The following IPO11 variants were observed in gnomAD, a reference collection of about 807,000 sequenced individuals.
The protein encoded by IPO11 is importin 11.
A neutral mutation model predicts 143.2 loss-of-function variants in IPO11; 66 were observed. That is an observed-to-expected ratio of 0.46 (90% CI 0.38 to 0.57). The LOEUF (loss-of-function observed/expected upper bound fraction) is 0.57, where lower values mean the gene tolerates loss of function less well. Ranked by LOEUF, IPO11 falls within the 20% of genes least tolerant of loss-of-function variation. The pLI, the probability that IPO11 is intolerant of heterozygous loss-of-function variation, is 0.00. For missense variants in IPO11, 1,026 were observed against 1,141.0 expected, an observed-to-expected ratio of 0.90 and a Z score of 1.45; for synonymous variants, 385 against 377.8, an observed-to-expected ratio of 1.02 and a Z score of -0.22.
rs184490456 is a variant in IPO11, at chr5:62,473,995, A to G, written c.709-421A>G. On this transcript the variant is annotated intron_variant, in intron 7 of 29. Coordinates refer to ENST00000325324, the MANE Select transcript of IPO11 (RefSeq NM_016338.5). Reference sequence around the variant, plus strand: ...AACGATGTTTCAGGATTCTGGATAAAGCAGTAAACAGAGCAAAGTTCTGGC... The same window carrying G: ...AACGATGTTTCAGGATTCTGGATAAGGCAGTAAACAGAGCAAAGTTCTGGC... Among the ~76,000 whole-genome samples the G allele has an allele frequency of 2.0e-3, 303 of 152,280 alleles. 2 individuals are homozygous for G. Among genetic ancestry groups the G allele is most frequent in the African/African-American group, 7.1e-3 (296 of 41,550 alleles).
At chr5:62,420,062 G>C (rs152188) in intron 1 of IPO11, among the ~76,000 whole-genome samples, 1 of 151,848 alleles carries the variant, frequency 6.6e-6, no homozygotes, top group African/African-American at 2.4e-5. Flanking sequence ...AGGCCAAGGC[G>C]GGTGGATCAC....
At chr5:62,610,612 T>C (rs1240266454) in intron 29 of IPO11, among the ~76,000 whole-genome samples, 1 of 152,170 alleles carries the variant, frequency 6.6e-6, no homozygotes, top group African/African-American at 2.4e-5. Context: ...AAATTAACAA[T>C]ATTAAAAGCA....
At chr5:62,423,103 G>A (rs990017343) in intron 1 of IPO11, among the ~76,000 whole-genome samples, 1 of 152,126 alleles carries the variant, frequency 6.6e-6, no homozygotes, top group Non-Finnish European at 1.5e-5. Context: ...TTCAGTATAG[G>A]AAGATACTGA....
intron 11 of IPO11, among the ~76,000 whole-genome samples, chr5:62,484,761 G>A (rs1746335402): frequency 4.6e-5 from 7 of 151,924 alleles, no homozygotes. Context: ...GTGTACCCTT[G>A]TGTAGTTACA....
Position 62,435,210 on chromosome 5 carries a change from G to GTATATATGTATATATATGTATATATA in IPO11, c.-6-2063_-6-2062insATATATGTATATATATGTATATATAT, listed in dbSNP as rs769669064. Among the ~76,000 whole-genome samples the GTATATATGTATATATATGTATATATA allele has an allele frequency of 1.4e-4, 13 of 92,320 alleles. No homozygotes were observed. The East Asian group carries it at 2.4e-3, about 17-fold the overall frequency. 60.6% of individuals were successfully genotyped at this position (92,320 alleles called of 152,430 possible). On this transcript the variant is annotated intron_variant, in intron 1 of 29. Coordinates refer to ENST00000325324, the MANE Select transcript of IPO11 (RefSeq NM_016338.5). ...TATATGTATATATATGTATATATAT[G>GTATATATGTATATATATGTATATATA]TGTATATATATATATATCAGAGCAG...
chr5:62,467,584 T>TA, intron 6 of IPO11, among the ~76,000 whole-genome samples: 1 of 152,324 alleles, frequency 6.6e-6, no homozygotes, highest in East Asian at 1.9e-4. Context: ...CCCCTACACT[T>TA]ATCCTTGTCA....
chr5:62,457,525 A>C (rs922899501), intron 5 of IPO11, among the ~76,000 whole-genome samples: 2 of 152,180 alleles, frequency 1.3e-5, no homozygotes, highest in Admixed American at 6.5e-5. Flanking sequence ...AATTATTTGG[A>C]TGGTAAGGGT....
chr5:62,561,766 T>A (rs1743781070), intron 27 of IPO11: 1 of 152,188 alleles, frequency 6.6e-6, no homozygotes, highest in African/African-American at 2.4e-5. Flanking sequence ...TTTGGTTTGG[T>A]CATTTAAAGA....
intron 1 of IPO11, among the ~76,000 whole-genome samples, chr5:62,424,034 T>C (rs1288757797): frequency 6.6e-6 from 1 of 152,166 alleles, no homozygotes; most frequent in Non-Finnish European, 1.5e-5. Flanking sequence ...TGATTTTTTT[T>C]CTGAGACATG....
chr5:62,556,215 C>G (rs1239189793), intron 26 of IPO11, among the ~76,000 whole-genome samples: 1 of 152,130 alleles, frequency 6.6e-6, no homozygotes, highest in East Asian at 1.9e-4. Context: ...ATCCCAGCTA[C>G]TTGGGGGGCT....
At chr5:62,525,044 C>T (rs17383748) in intron 20 of IPO11, among the ~76,000 whole-genome samples, 6,171 of 152,132 alleles carry the variant, frequency 0.041, 155 homozygotes, top group South Asian at 0.072. Context: ...AATTTTAGAT[C>T]GAAACTTCTC....
intron 1 of IPO11, among the ~76,000 whole-genome samples, chr5:62,423,660 A>G (rs1350398874): frequency 6.6e-6 from 1 of 152,156 alleles, no homozygotes; most frequent in South Asian, 2.1e-4. Flanking sequence ...TATCAACTTC[A>G]TTTCGTCTTA....
intron 29 of IPO11, among the ~76,000 whole-genome samples, chr5:62,615,481 G>C (rs1256028460): frequency 6.6e-6 from 1 of 152,324 alleles, no homozygotes; most frequent in South Asian, 2.1e-4. Context: ...GGCTTATAGA[G>C]GGCCTTGTAT....
intron 29 of IPO11, among the ~76,000 whole-genome samples, chr5:62,609,715 C>T (rs1047874174): frequency 2.0e-5 from 3 of 152,188 alleles, no homozygotes; most frequent in African/African-American, 7.2e-5. Flanking sequence ...CCAATGTCTT[C>T]CTGGTTTGAG....
chr5:62,520,623 G>A (rs182817064), intron 20 of IPO11, among the ~76,000 whole-genome samples: 7 of 152,284 alleles, frequency 4.6e-5, no homozygotes, highest in African/African-American at 1.7e-4. Flanking sequence ...AACGTGCTGT[G>A]TTTGGTTTTC....
At position 62,536,503 on chromosome 5, in the gene IPO11, G is replaced by A. The variant is rs148585484; in HGVS notation, c.2090-199G>A. ...TGCCCACCCTAGAGTGCAGTGGCGT[G>A]ATCATTGGTGACTGTACCCTTTAAG... On this transcript the variant is annotated intron_variant, in intron 22 of 29. Coordinates refer to ENST00000325324, the MANE Select transcript of IPO11 (RefSeq NM_016338.5). 7.9e-4 allele frequency among the ~76,000 whole-genome samples: 120 copies of A among 152,142 alleles called. 2 individuals carry two copies. In the South Asian group the frequency reaches 8.1e-3, roughly 10 times the overall value.
intron 26 of IPO11, among the ~76,000 whole-genome samples, chr5:62,559,250 G>A (rs565064422): frequency 6.6e-6 from 1 of 152,128 alleles, no homozygotes; most frequent in Admixed American, 6.5e-5. Context: ...CTCCAGTTGT[G>A]ACAGAAATTC....
Position 62,424,389 on chromosome 5 carries a change from G to T in IPO11, c.-7+11460G>T, listed in dbSNP as rs748608112. Among the ~76,000 whole-genome samples the T allele has an allele frequency of 6.9e-4, 105 of 151,758 alleles. 1 individual carries two copies. The highest frequency in any genetic ancestry group is 1.4e-3 in the Admixed American group (22 of 15,240). On this transcript the variant is annotated intron_variant, in intron 1 of 29. Coordinates refer to ENST00000325324, the MANE Select transcript of IPO11 (RefSeq NM_016338.5). ...CTTGTGACCTCGTGATCCGCCCGCC[G>T]GGGCCTCCCAAAGTGCTGGGATTAC...
intron 16 of IPO11, among the ~76,000 whole-genome samples, chr5:62,500,765 T>C (rs181291632): frequency 1.8e-4 from 28 of 152,326 alleles, no homozygotes; most frequent in African/African-American, 6.0e-4. Context: ...CCCAAAGTAC[T>C]GGGATTATAG....
Sources: allele counts gnomAD v4.1 joint callset (sites outside exome capture counted in the v4.1 genomes callset), GRCh38; gene constraint gnomAD v4.1.1; transcripts MANE v1.5; gene names NCBI Gene and HGNC (gene_info 2026-07-23, HGNC 2026-07-21).